KIFAP3: variants seen among roughly 807,000 people sequenced by gnomAD.
KIFAP3 encodes kinesin associated protein 3.
In KIFAP3, 68 loss-of-function variants were observed where a neutral mutation model predicts 106.5. That is an observed-to-expected ratio of 0.64 (90% CI 0.53 to 0.78). The LOEUF is 0.78. KIFAP3 is among the 30% of genes least tolerant of loss of function. KIFAP3 has a pLI of 0.00. For synonymous variants in KIFAP3, 320 were observed against 311.5 expected, an observed-to-expected ratio of 1.03 and a Z score of -0.29; for missense variants, 780 against 941.8, an observed-to-expected ratio of 0.83 and a Z score of 2.25.
At chr1:170,037,410 A>C (rs571079992) in intron 5 of KIFAP3, among the ~76,000 whole-genome samples, 2 of 152,302 alleles carry the variant, frequency 1.3e-5, no homozygotes, top group South Asian at 4.1e-4. Context: ...TGGCAAATGT[A>C]TAATCAGAAA....
chr1:170,071,340 C>T (rs1671692965), intron 1 of KIFAP3, among the ~76,000 whole-genome samples: 1 of 152,150 alleles, frequency 6.6e-6, no homozygotes, highest in African/African-American at 2.4e-5. Flanking sequence ...CCCAAATGTC[C>T]ACCACCAGAT....
chr1:169,975,673 G>A (rs1272619120), intron 16 of KIFAP3, among the ~76,000 whole-genome samples: 1 of 151,700 alleles, frequency 6.6e-6, no homozygotes, highest in Non-Finnish European at 1.5e-5. Context: ...GGAGTGCAAT[G>A]GCATGATCAT....
rs147568159 is a variant in KIFAP3 at position 169,950,103 on chromosome 1, T to C, written c.2273+3908A>G. Among the ~76,000 whole-genome samples the C allele has an allele frequency of 4.1e-4, 63 of 152,298 alleles. No individual in the cohort carries two copies. The East Asian group carries it at 0.012, about 29-fold the overall frequency. On this transcript the variant is annotated intron_variant, in intron 19 of 19. Coordinates refer to ENST00000361580, the MANE Select transcript of KIFAP3 (RefSeq NM_014970.4). ...TCTGGCTTAGTTTCTCAGATTTTAATACATTCATCCTATTACTGAACCTTG... is the reference window on the plus strand; with the variant it reads ...TCTGGCTTAGTTTCTCAGATTTTAACACATTCATCCTATTACTGAACCTTG...
At chr1:170,068,500 T>C (rs1203469769) in intron 1 of KIFAP3, 1 of 151,748 alleles carries the variant, frequency 6.6e-6, no homozygotes, top group African/African-American at 2.4e-5. Context: ...CTTGAAGATA[T>C]GTCAAATGAA....
At chr1:169,933,186 G>A (rs1054155825) in intron 19 of KIFAP3, among the ~76,000 whole-genome samples, 6 of 151,888 alleles carry the variant, frequency 4.0e-5, no homozygotes, top group Non-Finnish European at 5.9e-5. Context: ...TGCTTTGTAT[G>A]GATATTTCAA....
Position 170,046,870 on chromosome 1 carries a change from TA to T in KIFAP3, c.165-5del. 2 of 1,579,526 alleles carry T rather than the reference TA, an allele frequency of 1.3e-6. No individual in the cohort carries two copies. Among genetic ancestry groups the T allele is most frequent in the Non-Finnish European group, 1.7e-6 (2 of 1,163,188 alleles). Reference sequence around the variant, plus strand: ...ATTGAGACTCTTAAGTCGAATGCTGTAAGTATAACAGAATTTTTCAACTCAC... The same window carrying T: ...ATTGAGACTCTTAAGTCGAATGCTGTAGTATAACAGAATTTTTCAACTCAC... On this transcript the variant is annotated splice_polypyrimidine_tract_variant and splice_region_variant and intron_variant, in intron 2 of 19. Transcript: ENST00000361580.
intron 10 of KIFAP3, among the ~76,000 whole-genome samples, chr1:170,012,279 G>T (rs1470897687): frequency 6.6e-6 from 1 of 152,026 alleles, no homozygotes. Context: ...GGCGTTCTGG[G>T]GCCATTTAGC....
At chr1:169,993,630 TGATTTGCTTGTACCCAGAAGGTGAGG>T in intron 10 of KIFAP3, among the ~76,000 whole-genome samples, 8 of 544 alleles carry the variant, frequency 0.015, 4 homozygotes, top group Non-Finnish European at 0.02. Flanking sequence ...TTCAGGCAGG[TGATTTGCTTGTACCCAGAAGGTGAGG>T]CTTGCAGTGA....
chr1:169,999,212 G>GA (rs907299622), intron 10 of KIFAP3, among the ~76,000 whole-genome samples: 2 of 151,830 alleles, frequency 1.3e-5, no homozygotes, highest in Non-Finnish European at 2.9e-5. Flanking sequence ...TAAAGCTCAA[G>GA]AAAAAAAATC....
Position 170,057,196 on chromosome 1 carries a change from T to C in KIFAP3, c.33-1760A>G, listed in dbSNP as rs538932025. On this transcript the variant is annotated intron_variant, in intron 1 of 19. Transcript: ENST00000361580. ...AAGAGTAAGGATATATAAATGCAGA[T>C]CCTTAGACTAGCCTCCTATTACCAC... is the stretch of plus-strand genomic sequence containing the variant. 4.6e-5 allele frequency among the ~76,000 whole-genome samples: 7 copies of C among 152,242 alleles called. No individual in the cohort carries two copies. In the South Asian group the frequency reaches 1.2e-3, roughly 27 times the overall value.
rs1198536363 is a variant in KIFAP3, at chr1:169,954,067, G to A, written c.2217C>T (p.Phe739=). ...ASEGAISPDF[F]NDYHLQNGDV... ...CTCCATTTTGAAGGTGGTAATCATT[G>A]AAGAAATCGGGACTTATGGCTCCTT... The change falls in exon 19 of 20, where the codon TTC becomes TTT. Residue 739 remains phenylalanine, a synonymous_variant. Coordinates refer to ENST00000361580, the MANE Select transcript of KIFAP3 (RefSeq NM_014970.4). 2 of 1,613,324 alleles carry A rather than the reference G, an allele frequency of 1.2e-6. No homozygotes were observed. Among genetic ancestry groups the A allele is most frequent in the African/African-American group, 2.7e-5 (2 of 74,866 alleles).
At chr1:169,962,345 C>T (rs1278067989) in intron 17 of KIFAP3, among the ~76,000 whole-genome samples, 2 of 152,140 alleles carry the variant, frequency 1.3e-5, no homozygotes, top group Non-Finnish European at 2.9e-5. Context: ...TTACTGTAAG[C>T]TACAGCAGAA....
intron 18 of KIFAP3, among the ~76,000 whole-genome samples, chr1:169,959,186 T>C (rs1356859126): frequency 6.6e-6 from 1 of 151,848 alleles, no homozygotes; most frequent in African/African-American, 2.4e-5. Flanking sequence ...TCTGCAGGAG[T>C]ACAAATTTAT....
At chr1:170,031,415 A>G (rs1355523410) in intron 8 of KIFAP3, among the ~76,000 whole-genome samples, 4 of 151,770 alleles carry the variant, frequency 2.6e-5, no homozygotes, top group Non-Finnish European at 4.4e-5. Context: ...ACTAACCACC[A>G]TAAGATTTTA....
intron 19 of KIFAP3, among the ~76,000 whole-genome samples, chr1:169,945,556 T>A (rs1664397510): frequency 6.6e-6 from 1 of 152,208 alleles, no homozygotes; most frequent in Non-Finnish European, 1.5e-5. Flanking sequence ...CTAATAAAGT[T>A]ACAATAAATT....
At chr1:170,069,868 G>C (rs1327598179) in intron 1 of KIFAP3, among the ~76,000 whole-genome samples, 5 of 151,624 alleles carry the variant, frequency 3.3e-5, no homozygotes, top group Non-Finnish European at 7.4e-5. Context: ...GATTGAAAAA[G>C]AAGAAGTAAA....
intron 18 of KIFAP3, among the ~76,000 whole-genome samples, chr1:169,955,882 CA>C (rs538390417): frequency 4.2e-4 from 64 of 151,588 alleles, no homozygotes; most frequent in Non-Finnish European, 8.3e-4. Flanking sequence ...TGAAAAGTTA[CA>C]AAAAAATGAA....
At chr1:169,936,853 T>C (rs982654266) in intron 19 of KIFAP3, among the ~76,000 whole-genome samples, 6 of 151,202 alleles carry the variant, frequency 4.0e-5, no homozygotes, top group Admixed American at 1.3e-4. Flanking sequence ...GTTTAAGATG[T>C]TTATTCTGCT....
intron 3 of KIFAP3, among the ~76,000 whole-genome samples, chr1:170,042,170 C>T (rs1306207833): frequency 7.2e-5 from 11 of 152,164 alleles, no homozygotes; most frequent in Non-Finnish European, 1.6e-4. Context: ...TTGGTCGATA[C>T]GGGAAATACT....
Sources: gnomAD v4.1 joint callset for allele counts (sites outside exome capture counted in the v4.1 genomes callset) on GRCh38, gnomAD v4.1.1 for gene constraint, MANE v1.5 for transcripts, NCBI Gene and HGNC (gene_info 2026-07-23, HGNC 2026-07-21) for gene names.